PPP2R5C: variants seen among roughly 807,000 people sequenced by gnomAD.
PPP2R5C encodes the protein serine/threonine-protein phosphatase 2A 56 kDa regulatory subunit gamma isoform.
A neutral mutation model predicts 68.9 loss-of-function variants in PPP2R5C; 7 were observed. The ratio of observed to expected loss-of-function variants is 0.10; its 90% CI spans 0.06 to 0.19. PPP2R5C has a LOEUF of 0.19. Among genes scored for constraint, PPP2R5C ranks in the 10% least tolerant of loss-of-function variants. The probability of loss-of-function intolerance (pLI) is 1.00; values close to 1 mark genes in which losing one functional copy is unlikely to be tolerated. For synonymous variants in PPP2R5C, 210 were observed against 222.2 expected (o/e 0.95, Z 0.49); for missense variants, 348 against 641.3 (o/e 0.54, Z 4.94).
At chr14:101,769,335 G>A (rs1340982582) in intron 2 of PPP2R5C, among the ~76,000 whole-genome samples, 4 of 152,198 alleles carry the variant, frequency 2.6e-5, no homozygotes, top group African/African-American at 9.6e-5. Context: ...GCTAGATGCA[G>A]TCCTTGAAGG....
At chr14:101,801,512 T>G (rs2038861292) in intron 3 of PPP2R5C, among the ~76,000 whole-genome samples, 1 of 152,260 alleles carries the variant, frequency 6.6e-6, no homozygotes, top group East Asian at 1.9e-4. Flanking sequence ...GGATATGTAA[T>G]ATTTCACTAG....
At chr14:101,860,944 A>G (rs2140630507) in intron 2 of PPP2R5C, among the ~76,000 whole-genome samples, 1 of 152,296 alleles carries the variant, frequency 6.6e-6, no homozygotes, top group African/African-American at 2.4e-5. Context: ...CAGGGGAGCC[A>G]GTTCTTGGCG....
At chr14:101,868,892 A>C (rs2043237630) in intron 2 of PPP2R5C, among the ~76,000 whole-genome samples, 1 of 152,070 alleles carries the variant, frequency 6.6e-6, no homozygotes, top group African/African-American at 2.4e-5. Context: ...AGGATATAGA[A>C]CAGTTTCTTT....
chr14:101,907,457 G>T (rs1410855436), intron 10 of PPP2R5C, among the ~76,000 whole-genome samples: 1 of 152,126 alleles, frequency 6.6e-6, no homozygotes, highest in Non-Finnish European at 1.5e-5. Flanking sequence ...GTGAGCCACT[G>T]CGCCCAGGCC....
chr14:101,850,263 G>A (rs1162200661), intron 1 of PPP2R5C, among the ~76,000 whole-genome samples: 1 of 152,152 alleles, frequency 6.6e-6, no homozygotes, highest in Non-Finnish European at 1.5e-5. Context: ...CAGATGAAAG[G>A]AAAACCAGAG....
chr14:101,845,410 C>T (rs2041763968), intron 1 of PPP2R5C, among the ~76,000 whole-genome samples: 1 of 152,180 alleles, frequency 6.6e-6, no homozygotes, highest in African/African-American at 2.4e-5. Context: ...CTCTCCTGGC[C>T]TTTGCCTATT....
At chr14:101,832,710 G>T (rs1281893733) in intron 1 of PPP2R5C, among the ~76,000 whole-genome samples, 6 of 152,250 alleles carry the variant, frequency 3.9e-5, no homozygotes, top group Non-Finnish European at 8.8e-5. Flanking sequence ...GGTGGAGCGG[G>T]ACTGTGGAGG....
At chr14:101,787,560 A>C (rs201852549) in intron 3 of PPP2R5C, among the ~76,000 whole-genome samples, 2 of 151,578 alleles carry the variant, frequency 1.3e-5, no homozygotes, top group African/African-American at 2.4e-5. Flanking sequence ...TCAGGAGATC[A>C]AGACCATCCT....
At chr14:101,792,696 T>C (rs2038414176) in intron 3 of PPP2R5C, among the ~76,000 whole-genome samples, 1 of 152,220 alleles carries the variant, frequency 6.6e-6, no homozygotes, top group South Asian at 2.1e-4. Context: ...GTCTTTCTGG[T>C]GTTCAGATGG....
Position 101,906,584 on chromosome 14 carries a change from T to A in PPP2R5C, c.1151+55T>A, listed in dbSNP as rs909214581. 5 of 1,530,480 alleles carry A rather than the reference T, an allele frequency of 3.3e-6. No homozygotes were observed. Among genetic ancestry groups the A allele is most frequent in the Non-Finnish European group, 4.4e-6 (5 of 1,130,812 alleles). 94.8% of individuals were successfully genotyped at this position (1,530,480 alleles called of 1,614,324 possible). A position where few individuals can be genotyped will look rare whatever the true frequency, so the allele number is the denominator to read the frequency against. On this transcript the variant is annotated intron_variant, in intron 10 of 13. Transcript: ENST00000334743. The surrounding 1 kb of genome is among the most constrained non-coding windows in gnomAD (Gnocchi z 4.0). ...AGTCATTTTAAAATATGGCACGTTTTACTGCTACTTCAGTAAGAATAAATA... is the reference window on the plus strand; with the variant it reads ...AGTCATTTTAAAATATGGCACGTTTAACTGCTACTTCAGTAAGAATAAATA...
At chr14:101,921,228 T>C in intron 13 of PPP2R5C, 1 of 228,888 alleles carries the variant, frequency 4.4e-6, no homozygotes, top group Non-Finnish European at 9.2e-6. Context: ...CACACTCAGC[T>C]GATTTTTGTA....
intron 1 of PPP2R5C, among the ~76,000 whole-genome samples, chr14:101,834,691 T>C (rs1001357245): frequency 1.3e-5 from 2 of 152,188 alleles, no homozygotes; most frequent in Non-Finnish European, 2.9e-5. Context: ...GAGGATTTAT[T>C]AAGATATTAA....
At chr14:101,910,089 G>A (rs981811153) in intron 11 of PPP2R5C, among the ~76,000 whole-genome samples, 1 of 152,144 alleles carries the variant, frequency 6.6e-6, no homozygotes, top group South Asian at 2.1e-4. Flanking sequence ...TTTCAATGTA[G>A]CTTTATTCTG....
At chr14:101,807,205 T>C, upstream of PPP2R5C, among the ~76,000 whole-genome samples, 1 of 152,252 alleles carries the variant, frequency 6.6e-6, no homozygotes, top group East Asian at 1.9e-4. Context: ...TGCATATAGT[T>C]AATCAGTTGT....
Position 101,874,321 on chromosome 14 carries a change from A to G in PPP2R5C, c.295-7840A>G, listed in dbSNP as rs569136132. Reference sequence around the variant, plus strand: ...GCAAAAAGAAATCAGAATACATGATAAAGCAAATATATTAGAATGCTAATG... The same window carrying G: ...GCAAAAAGAAATCAGAATACATGATGAAGCAAATATATTAGAATGCTAATG... On this transcript the variant is annotated intron_variant, in intron 2 of 13. Coordinates refer to ENST00000334743, the Ensembl canonical transcript of PPP2R5C. Among the ~76,000 whole-genome samples the G allele has an allele frequency of 3.3e-5, 5 of 152,392 alleles. No homozygotes were observed. The South Asian group carries it at 1.0e-3, about 32-fold the overall frequency.
At chr14:101,788,334 T>G (rs2038214490) in intron 3 of PPP2R5C, among the ~76,000 whole-genome samples, 1 of 152,256 alleles carries the variant, frequency 6.6e-6, no homozygotes, top group South Asian at 2.1e-4. Context: ...AAGATTATAA[T>G]TGCTGTGTTG....
chr14:101,896,658 G>GTATATCTTCT (rs1383042566), intron 8 of PPP2R5C, among the ~76,000 whole-genome samples: 13 of 139,314 alleles, frequency 9.3e-5, no homozygotes, highest in Non-Finnish European at 1.7e-4. Flanking sequence ...AAAAAAAAGT[G>GTATATCTTCT]TATATCTTCT....
At position 101,921,153 on chromosome 14, in the gene PPP2R5C, G is replaced by A. The variant is rs188108670; in HGVS notation, c.1443+3206G>A. Reference sequence around the variant, plus strand: ...CACAATCTTGGCTCACTGCAGCCTCGGCCTCCTGGACTCAAGCAATCCGCC... The same window carrying A: ...CACAATCTTGGCTCACTGCAGCCTCAGCCTCCTGGACTCAAGCAATCCGCC... On this transcript the variant is annotated intron_variant, in intron 13 of 13. Transcript: ENST00000334743. 6.1e-5 allele frequency: 15 copies of A among 247,900 alleles called. No homozygotes were observed. The East Asian group carries it at 7.1e-4, about 12-fold the overall frequency. The allele number at this position is 247,900 out of a possible 1,614,324, so 15.4% of individuals were successfully genotyped here.
intron 2 of PPP2R5C, among the ~76,000 whole-genome samples, chr14:101,780,045 C>CCATATG (rs1171633853): frequency 1.3e-5 from 2 of 152,196 alleles, no homozygotes; most frequent in African/African-American, 4.8e-5. Flanking sequence ...GCCTCCTCCT[C>CCATATG]CATATGCATG....
Sources: gnomAD v4.1 joint callset for allele counts (sites outside exome capture counted in the v4.1 genomes callset) on GRCh38, gnomAD v4.1.1 for gene constraint, Gnocchi (gnomAD v3.1) non-coding constraint, MANE v1.5 for transcripts, NCBI Gene and HGNC (gene_info 2026-07-23, HGNC 2026-07-21) for gene names.